Variants in FARP1 observed in about 807,000 individuals in gnomAD.
FARP1 encodes FERM, ARH/RhoGEF and pleckstrin domain protein 1.
FARP1 carries 52 observed loss-of-function variants against 128.8 expected under a neutral mutation model. The ratio of observed to expected loss-of-function variants is 0.40; its 90% CI spans 0.32 to 0.51. The LOEUF (loss-of-function observed/expected upper bound fraction) is 0.51, where lower values mean the gene tolerates loss of function less well. FARP1 is among the 20% of genes least tolerant of loss of function. FARP1 has a pLI of 0.45. For synonymous variants in FARP1, 580 were observed against 551.8 expected, an observed-to-expected ratio of 1.05 and a Z score of -0.72; for missense variants, 1,333 against 1,367.9, an observed-to-expected ratio of 0.97 and a Z score of 0.40.
chr13:98,276,464 A>T (rs1197604085), intron 2 of FARP1, among the ~76,000 whole-genome samples: 1 of 152,250 alleles, frequency 6.6e-6, no homozygotes, highest in Admixed American at 6.5e-5. Flanking sequence ...GTAAGACTTG[A>T]TTACAAAAGC....
At chr13:98,316,676 A>G (rs1248222036) in intron 2 of FARP1, among the ~76,000 whole-genome samples, 1 of 152,218 alleles carries the variant, frequency 6.6e-6, no homozygotes, top group Non-Finnish European at 1.5e-5. Flanking sequence ...AGTGGATGCC[A>G]GAACACTGCG....
intron 2 of FARP1, among the ~76,000 whole-genome samples, chr13:98,336,214 A>G (rs1019986512): frequency 7.2e-5 from 11 of 152,178 alleles, no homozygotes; most frequent in African/African-American, 2.4e-4. Flanking sequence ...AATAACCTGA[A>G]GACATAGAAA....
chr13:98,424,465 C>G, intron 16 of FARP1, 107 bp from the exon 17 acceptor site: 1 of 744,832 alleles, frequency 1.3e-6, no homozygotes, highest in Non-Finnish European at 2.4e-6. Flanking sequence ...CAGGAGATGT[C>G]CGGGGAGGGG....
In FARP1 at chr13:98,437,463, C is replaced by CAGAAAGCAACAGCA. The variant is rs976187962; in HGVS notation, c.2275-1324_2275-1311dup. Reference sequence around the variant, plus strand: ...TTCGAGAAGTAGGAAAATACATTGCCAGAAAGCAACAGCAAGAAAGCAACA... The same window carrying CAGAAAGCAACAGCA: ...TTCGAGAAGTAGGAAAATACATTGCCAGAAAGCAACAGCAAGAAAGCAACAGCAAGAAAGCAACA... On this transcript the variant is annotated intron_variant, in intron 19 of 26. Coordinates refer to ENST00000319562, the MANE Select transcript of FARP1 (RefSeq NM_005766.4). Among the ~76,000 whole-genome samples, 715 of 151,270 alleles carry CAGAAAGCAACAGCA rather than the reference C, an allele frequency of 4.7e-3. 4 individuals carry two copies. Among genetic ancestry groups the CAGAAAGCAACAGCA allele is most frequent in the Non-Finnish European group, 5.7e-3 (386 of 67,912 alleles).
intron 6 of FARP1, among the ~76,000 whole-genome samples, chr13:98,380,856 G>A (rs1403612503): frequency 6.6e-6 from 1 of 152,038 alleles, no homozygotes; most frequent in Non-Finnish European, 1.5e-5. Flanking sequence ...TGGGATTATA[G>A]GCATGAGCCA....
intron 3 of FARP1, among the ~76,000 whole-genome samples, chr13:98,363,068 C>T (rs190425784): frequency 6.6e-6 from 1 of 152,356 alleles, no homozygotes; most frequent in Admixed American, 6.5e-5. Context: ...TGTTCTCACG[C>T]TGCCAGACTC....
intron 1 of FARP1, among the ~76,000 whole-genome samples, chr13:98,207,908 C>CACACACACACACACACA (rs1555327644): frequency 1.4e-5 from 1 of 71,574 alleles, no homozygotes; most frequent in Non-Finnish European, 2.5e-5. Context: ...ACCACCACCT[C>CACACACACACACACACA]CACACACACA....
intron 1 of FARP1, among the ~76,000 whole-genome samples, chr13:98,209,880 G>A (rs1205886413): frequency 6.6e-6 from 1 of 150,492 alleles, no homozygotes; most frequent in Non-Finnish European, 1.5e-5. Flanking sequence ...TACCCGGGAG[G>A]CTGAGGCAGG....
At chr13:98,434,468 G>T (rs1892173861) in intron 18 of FARP1, 1 of 152,220 alleles carries the variant, frequency 6.6e-6, no homozygotes, top group Admixed American at 6.5e-5. Flanking sequence ...ACACTGAAAT[G>T]CTGGGGGAAA....
At chr13:98,375,297 C>T (rs949806710) in intron 5 of FARP1, among the ~76,000 whole-genome samples, 1 of 152,196 alleles carries the variant, frequency 6.6e-6, no homozygotes, top group Non-Finnish European at 1.5e-5. Flanking sequence ...ATAATCCTGG[C>T]TGGAGTCAAT....
chr13:98,339,575 C>A (rs975653210), intron 2 of FARP1, among the ~76,000 whole-genome samples: 1 of 152,088 alleles, frequency 6.6e-6, no homozygotes, highest in Admixed American at 6.6e-5. Context: ...ATGTTACATA[C>A]GGAGTTTCCT....
Position 98,176,996 on chromosome 13 carries a change from TCCTGTCG to T in FARP1, c.-24+33507_-24+33513del. On this transcript the variant is annotated intron_variant, in intron 1 of 26. Coordinates refer to ENST00000319562, the MANE Select transcript of FARP1 (RefSeq NM_005766.4). The surrounding 1 kb of genome is among the most constrained non-coding windows in gnomAD (Gnocchi z 6.2). ...CTCTCAGGCGCCGCCTCCTCGCCCC[TCCTGTCG>T]CCGTGAGCCGCCTTCTGCCAGCTGT... The T allele has an allele frequency of 6.3e-7, 1 of 1,598,232 alleles. No individual in the cohort carries two copies. The highest frequency in any genetic ancestry group is 2.2e-5 in the East Asian group (1 of 44,768).
chr13:98,162,979 C>T (rs1173965602), intron 1 of FARP1, among the ~76,000 whole-genome samples: 1 of 151,990 alleles, frequency 6.6e-6, no homozygotes, highest in Admixed American at 6.6e-5. Context: ...GGATATATAC[C>T]CCCCAAAATA....
intron 1 of FARP1, among the ~76,000 whole-genome samples, chr13:98,189,356 G>A (rs958184914): frequency 1.3e-5 from 2 of 149,968 alleles, no homozygotes; most frequent in African/African-American, 2.5e-5. Context: ...TTAAATAAAT[G>A]TTCTTTGTCT....
At chr13:98,158,636 TAAAA>T (rs1303365826) in intron 1 of FARP1, among the ~76,000 whole-genome samples, 1 of 152,110 alleles carries the variant, frequency 6.6e-6, no homozygotes, top group Non-Finnish European at 1.5e-5. Context: ...CAAAGTCACA[TAAAA>T]AAACCCTAAA....
chr13:98,309,779 A>G (rs1278117831), intron 2 of FARP1, among the ~76,000 whole-genome samples: 3 of 152,252 alleles, frequency 2.0e-5, no homozygotes, highest in Non-Finnish European at 4.4e-5. Flanking sequence ...TGTAGGCAAC[A>G]GCCCCTTACC....
chr13:98,336,313 G>A (rs770943406), intron 2 of FARP1, among the ~76,000 whole-genome samples: 14 of 152,138 alleles, frequency 9.2e-5, no homozygotes, highest in Admixed American at 1.3e-4. Flanking sequence ...GTGCAGTTGC[G>A]TGATCTTGGC....
At chr13:98,177,384 C>T (rs772258429) in intron 1 of FARP1, 31 of 595,582 alleles carry the variant, frequency 5.2e-5, no homozygotes, top group Non-Finnish European at 7.8e-5. Flanking sequence ...CGGTGACTCA[C>T]TCTTGTAATC....
chr13:98,246,568 T>A (rs2139471712), intron 2 of FARP1, among the ~76,000 whole-genome samples: 1 of 152,258 alleles, frequency 6.6e-6, no homozygotes, highest in South Asian at 2.1e-4. Context: ...TGTGTGCCTG[T>A]GTGTTTGTGA....
Sources: allele counts gnomAD v4.1 joint callset (sites outside exome capture counted in the v4.1 genomes callset), GRCh38; gene constraint gnomAD v4.1.1; non-coding constraint Gnocchi (gnomAD v3.1); transcripts MANE v1.5; gene names NCBI Gene and HGNC (gene_info 2026-07-23, HGNC 2026-07-21).